Variants in SLC38A9 observed in about 807,000 individuals in gnomAD.
SLC38A9 encodes neutral amino acid transporter 9.
In SLC38A9, 48 loss-of-function variants were observed where a neutral mutation model predicts 62.3. The observed-to-expected ratio is 0.77, with a 90% CI of 0.61 to 0.98. SLC38A9 has a LOEUF of 0.98. Ranked by LOEUF, SLC38A9 falls within the 50% of genes least tolerant of loss-of-function variation. SLC38A9 has a pLI of 0.00. For missense variants in SLC38A9, 541 were observed against 679.8 expected (o/e 0.80, Z 2.27); for synonymous variants, 204 against 227.7 (o/e 0.90, Z 0.94).
In SLC38A9 at chr5:55,684,972, C is replaced by T. The variant is rs188849898; in HGVS notation, c.114-12277G>A. 2.2e-3 allele frequency among the ~76,000 whole-genome samples: 339 copies of T among 152,276 alleles called. 5 individuals carry two copies. Among genetic ancestry groups the T allele is most frequent in the South Asian group, 2.1e-3 (10 of 4,832 alleles). ...CCTGGCCAAAAGCTCTGTTTTAAGC[C>T]TCTCAGCTAATAAACTGGAATTGGC... On this transcript the variant is annotated intron_variant, in intron 3 of 15. Transcript: ENST00000396865.
At chr5:55,642,992 T>C (rs1745675766) in intron 12 of SLC38A9, among the ~76,000 whole-genome samples, 1 of 152,210 alleles carries the variant, frequency 6.6e-6, no homozygotes, top group Non-Finnish European at 1.5e-5. Flanking sequence ...CTTCCTTCTT[T>C]TGCATTTCAG....
At chr5:55,710,316 C>T (rs1757851511) in intron 2 of SLC38A9, among the ~76,000 whole-genome samples, 1 of 151,374 alleles carries the variant, frequency 6.6e-6, no homozygotes, top group Admixed American at 6.6e-5. Context: ...AATTCTCCTG[C>T]CTCAGCATCC....
chr5:55,680,448 G>C lies in SLC38A9; in HGVS notation c.114-7753C>G, dbSNP rs1049625058. On this transcript the variant is annotated intron_variant, in intron 3 of 15. Coordinates refer to ENST00000396865, the MANE Select transcript of SLC38A9 (RefSeq NM_173514.4). ...TTTAGGAGGTGATTAGGCCGGGAGGGGTCCCCCCTCATTAAGGCCCTTACA... is the reference window on the plus strand; with the variant it reads ...TTTAGGAGGTGATTAGGCCGGGAGGCGTCCCCCCTCATTAAGGCCCTTACA... Among the ~76,000 whole-genome samples, 5 of 152,280 alleles carry C rather than the reference G, an allele frequency of 3.3e-5. No individual in the cohort carries two copies. The South Asian group carries it at 1.0e-3, about 32-fold the overall frequency.
In SLC38A9 at chr5:55,664,784, G is replaced by A. The variant is rs1296438274; in HGVS notation, c.606C>T (p.Leu202=). 1.3e-6 allele frequency: 2 copies of A among 1,596,640 alleles called. No homozygotes were observed. Among genetic ancestry groups the A allele is most frequent in the Admixed American group, 1.8e-5 (1 of 56,844 alleles). Residue 202 remains leucine (L), a synonymous_variant, in exon 8 of 16, where the codon CTC becomes CTT. Coordinates refer to ENST00000396865, the MANE Select transcript of SLC38A9 (RefSeq NM_173514.4). ...CAATGAGAGACACCAAGGAGAAAAG[G>A]AGACTCGACCACTGCCCAAAGGAGC... ...YFGSFGQWSS[L]LFSLVSLIGA...
intron 3 of SLC38A9, among the ~76,000 whole-genome samples, chr5:55,692,002 T>G (rs1754818927): frequency 6.6e-6 from 1 of 152,150 alleles, no homozygotes; most frequent in Non-Finnish European, 1.5e-5. Context: ...TGCCACCTAG[T>G]GGAAGAGATA....
At chr5:55,658,990 G>C (rs1222316094) in intron 8 of SLC38A9, among the ~76,000 whole-genome samples, 1 of 152,076 alleles carries the variant, frequency 6.6e-6, no homozygotes, top group African/African-American at 2.4e-5. Context: ...GATAAAGGAG[G>C]AAATTTAATT....
intron 13 of SLC38A9, chr5:55,634,539 A>T (rs1744028737): frequency 6.6e-6 from 1 of 152,244 alleles, no homozygotes; most frequent in Non-Finnish European, 1.5e-5. Flanking sequence ...AAATACCACA[A>T]ATATTCCTAT....
chr5:55,630,655 T>A (rs1040876655), intron 14 of SLC38A9, among the ~76,000 whole-genome samples: 1 of 152,176 alleles, frequency 6.6e-6, no homozygotes, highest in African/African-American at 2.4e-5. Flanking sequence ...TTTATTTTTT[T>A]AAATTTTGGT....
chr5:55,694,909 C>T (rs942090943), intron 3 of SLC38A9, among the ~76,000 whole-genome samples: 3 of 152,088 alleles, frequency 2.0e-5, no homozygotes, highest in African/African-American at 2.4e-5. Context: ...TGCGCCACCA[C>T]GCCCAGCTAA....
intron 8 of SLC38A9, among the ~76,000 whole-genome samples, chr5:55,657,022 G>A (rs983209628): frequency 6.6e-6 from 1 of 151,914 alleles, no homozygotes; most frequent in African/African-American, 2.4e-5. Context: ...CACCACCCCT[G>A]GCTAATTTTT....
At chr5:55,678,065 A>T (rs974455946) in intron 3 of SLC38A9, among the ~76,000 whole-genome samples, 2 of 150,656 alleles carry the variant, frequency 1.3e-5, no homozygotes, top group Admixed American at 6.7e-5. Context: ...AGAAGAGAGG[A>T]GAGCTTAGGG....
intron 12 of SLC38A9, among the ~76,000 whole-genome samples, chr5:55,639,989 T>TG (rs1745167676): frequency 7.0e-6 from 1 of 142,570 alleles, no homozygotes; most frequent in South Asian, 2.4e-4. Context: ...TTTGCTTTTT[T>TG]TTTTTTTTTT....
chr5:55,659,824 G>A (rs1018947179), intron 8 of SLC38A9, among the ~76,000 whole-genome samples: 6 of 151,766 alleles, frequency 4.0e-5, no homozygotes, highest in African/African-American at 1.5e-4. Context: ...GGAGTGCAGT[G>A]GCACGGTCTC....
Position 55,633,786 on chromosome 5 carries a change from A to G in SLC38A9, c.1398T>C (p.Leu466=), listed in dbSNP as rs1743916415. 3.1e-6 allele frequency: 5 copies of G among 1,614,058 alleles called. No individual in the cohort carries two copies. The highest frequency in any genetic ancestry group is 4.2e-6 in the Non-Finnish European group (5 of 1,180,032). ...AAATGTCACCGAAGATATGGCCCAA[A>G]AGCTGGACACGAGCCAGGTAGCCTA... ...PLLGYLARVQ[L]LGHIFGDIYP... is the part of the protein sequence containing the mutation. The change falls in exon 14 of 16, where the codon CTT becomes CTC. Residue 466 remains leucine, a synonymous_variant. Coordinates refer to ENST00000396865, the MANE Select transcript of SLC38A9 (RefSeq NM_173514.4).
chr5:55,689,921 A>G (rs1481505343), intron 3 of SLC38A9, among the ~76,000 whole-genome samples: 1 of 152,226 alleles, frequency 6.6e-6, no homozygotes, highest in African/African-American at 2.4e-5. Context: ...ACTAGCTTCC[A>G]GGCAAGTAAA....
chr5:55,659,186 A>G (rs1341543695), intron 8 of SLC38A9, among the ~76,000 whole-genome samples: 1 of 151,940 alleles, frequency 6.6e-6, no homozygotes, highest in Non-Finnish European at 1.5e-5. Context: ...CATCAGAAAG[A>G]TTTCCTTATG....
chr5:55,650,478 T>C (rs1243680206), intron 10 of SLC38A9, among the ~76,000 whole-genome samples: 2 of 152,204 alleles, frequency 1.3e-5, no homozygotes, highest in South Asian at 2.1e-4. Flanking sequence ...TTGTGCCCAA[T>C]TGAGCAAATC....
chr5:55,669,848 T>G lies in SLC38A9; in HGVS notation c.278A>C (p.Glu93Ala). The change falls in exon 5 of 16, where the codon GAA (glutamate) becomes GCA (alanine). Residue 93 changes from glutamate to alanine, a missense_variant. Glu to Ala is a moderately radical substitution (Grantham distance 107). Transcript: ENST00000396865. ...CAATGGACTATACACATAGCACTCT[T>G]CTGGAGCTGGAACTACATGGTCTGG... is the stretch of plus-strand genomic sequence containing the variant. ...IAPDHVVPAP[E>A]ECYVYSPLGS... 3 of 1,612,016 alleles carry G rather than the reference T, an allele frequency of 1.9e-6. No homozygotes were observed. The highest frequency in any genetic ancestry group is 2.5e-6 in the Non-Finnish European group (3 of 1,179,346).
In SLC38A9 at chr5:55,633,522, G is replaced by C. The variant is rs544237185; in HGVS notation, c.1430+232C>G. 3.8e-5 allele frequency: 18 copies of C among 469,046 alleles called. No homozygotes were observed. The South Asian group carries it at 6.6e-4, about 17-fold the overall frequency. The allele number at this position is 469,046 out of a possible 1,614,324, so 29.1% of individuals were successfully genotyped here. A position where few individuals can be genotyped will look rare whatever the true frequency, so the allele number is the denominator to read the frequency against. ...TTAAATAATAAGATAAATATAAATGGTATCGGAGCTAATTAACTATACTGG... is the reference window on the plus strand; with the variant it reads ...TTAAATAATAAGATAAATATAAATGCTATCGGAGCTAATTAACTATACTGG... On this transcript the variant is annotated intron_variant, in intron 14 of 15. Coordinates refer to ENST00000396865, the MANE Select transcript of SLC38A9 (RefSeq NM_173514.4).
Sources: gnomAD v4.1 joint callset for allele counts (sites outside exome capture counted in the v4.1 genomes callset) on GRCh38, gnomAD v4.1.1 for gene constraint, MANE v1.5 for transcripts, NCBI Gene and HGNC (gene_info 2026-07-23, HGNC 2026-07-21) for gene names.